NAALAD2: variants seen among roughly 807,000 people sequenced by gnomAD.
NAALAD2 encodes N-acetylated-alpha-linked acidic dipeptidase 2.
In NAALAD2, 89 loss-of-function variants were observed where a neutral mutation model predicts 95.6. The ratio of observed to expected loss-of-function variants is 0.93; its 90% confidence interval spans 0.78 to 1.11. The LOEUF (loss-of-function observed/expected upper bound fraction) is 1.11, where lower values mean the gene tolerates loss of function less well. NAALAD2 is among the 50% of genes least tolerant of loss of function. The pLI, the probability that NAALAD2 is intolerant of heterozygous loss-of-function variation, is 0.00. For synonymous variants in NAALAD2, 264 were observed against 294.4 expected, an observed-to-expected ratio of 0.90 and a Z score of 1.06; for missense variants, 894 against 872.4, an observed-to-expected ratio of 1.02 and a Z score of -0.31.
chr11:90,134,954 G>T, intron 1 of NAALAD2, 114 bp downstream of exon 1: 1 of 1,171,720 alleles, frequency 8.5e-7, no homozygotes, highest in East Asian at 2.4e-5. Flanking sequence ...CTGGCCGGCT[G>T]GGCTAGATAT....
upstream of NAALAD2, among the ~76,000 whole-genome samples, chr11:90,132,966 G>T (rs981263003): frequency 6.6e-6 from 1 of 152,138 alleles, no homozygotes; most frequent in Non-Finnish European, 1.5e-5. Flanking sequence ...CATTAAGGAG[G>T]TTTGCTTCAA....
chr11:90,139,501 C>T (rs1452410852), intron 2 of NAALAD2, among the ~76,000 whole-genome samples: 1 of 152,122 alleles, frequency 6.6e-6, no homozygotes, highest in Non-Finnish European at 1.5e-5. Context: ...ATGCTTTCTC[C>T]TCAGTAATTT....
chr11:90,180,368 A>G (rs1238082042), intron 16 of NAALAD2, among the ~76,000 whole-genome samples: 3 of 152,132 alleles, frequency 2.0e-5, no homozygotes, highest in African/African-American at 7.2e-5. Flanking sequence ...CAACAATTAA[A>G]AGTTAAGGAA....
At chr11:90,166,218 G>A (rs186243058) in intron 11 of NAALAD2, among the ~76,000 whole-genome samples, 124 of 152,182 alleles carry the variant, frequency 8.1e-4, no homozygotes, top group African/African-American at 2.9e-3. Context: ...GCTAGAGAGA[G>A]CGGTGAAGGG....
chr11:90,190,932 G>C (rs552326219), intron 18 of NAALAD2, among the ~76,000 whole-genome samples: 1 of 151,986 alleles, frequency 6.6e-6, no homozygotes, highest in African/African-American at 2.4e-5. Flanking sequence ...TCATTATTGC[G>C]GAAAGTAGCT....
intron 2 of NAALAD2, among the ~76,000 whole-genome samples, chr11:90,140,137 A>T (rs534565574): frequency 6.6e-6 from 1 of 152,192 alleles, no homozygotes; most frequent in East Asian, 1.9e-4. Context: ...ATGATTAGGG[A>T]GATGATTAAT....
At position 90,191,461 on chromosome 11, in the gene NAALAD2, G is replaced by A. The variant is rs145105885; in HGVS notation, c.2034-97G>A. On this transcript the variant is annotated intron_variant, in intron 18 of 18. Transcript: ENST00000534061. ...CTGTCTTCTTATTATAGGAACAAAA[G>A]TGAGTATCACAAGGAAACATCATGT... The A allele has an allele frequency of 2.1e-3, 1,638 of 785,136 alleles. 18 individuals carry two copies. The African/African-American group carries it at 0.027, about 13-fold the overall frequency. 48.6% of individuals were successfully genotyped at this position (785,136 alleles called of 1,614,324 possible).
At chr11:90,167,679 C>T (rs1184253187) in intron 11 of NAALAD2, among the ~76,000 whole-genome samples, 2 of 152,158 alleles carry the variant, frequency 1.3e-5, no homozygotes, top group African/African-American at 4.8e-5. Context: ...CACTCTGTAT[C>T]TAGCTCAAGG....
chr11:90,171,921 T>A (rs558964280), intron 13 of NAALAD2, among the ~76,000 whole-genome samples: 1 of 152,214 alleles, frequency 6.6e-6, no homozygotes, highest in East Asian at 1.9e-4. Flanking sequence ...CACATGCCTA[T>A]AGTTCCAGCT....
In NAALAD2 at chr11:90,180,359, A is replaced by G. The variant is rs149352219; in HGVS notation, c.1859-1261A>G. Among the ~76,000 whole-genome samples the G allele has an allele frequency of 1.5e-3, 231 of 152,282 alleles. 1 individual carries two copies. Among genetic ancestry groups the G allele is most frequent in the African/African-American group, 5.2e-3 (215 of 41,586 alleles). On this transcript the variant is annotated intron_variant, in intron 16 of 18. Transcript: ENST00000534061. Reference sequence around the variant, plus strand: ...CTTTGGTTTGAACTTGGCTTAAAACAACAATTAAAAGTTAAGGAAAATCTA... The same window carrying G: ...CTTTGGTTTGAACTTGGCTTAAAACGACAATTAAAAGTTAAGGAAAATCTA...
At chr11:90,163,885 C>T in intron 11 of NAALAD2, 1 of 466,722 alleles carries the variant, frequency 2.1e-6, no homozygotes, top group Non-Finnish European at 3.7e-6. Flanking sequence ...TAAGAAAAAT[C>T]AGTAAGCTCA....
Position 90,147,398 on chromosome 11 carries a change from C to T in NAALAD2, c.263C>T (p.Thr88Ile). ...QNFLLAKKIQ[T>I]QWKKFGLDSA... ...TTCTTGCTTGCCAAGAAAATCCAAACCCAGTGGAAGAAATTTGGACTAGAT... is the reference window on the plus strand; with the variant it reads ...TTCTTGCTTGCCAAGAAAATCCAAATCCAGTGGAAGAAATTTGGACTAGAT... The change falls in exon 3 of 19, where the codon ACC becomes ATC. Residue 88 changes from threonine (T) to isoleucine (I), a missense_variant. Coordinates refer to ENST00000534061, the MANE Select transcript of NAALAD2 (RefSeq NM_005467.4). The T allele has an allele frequency of 6.2e-7, 1 of 1,614,038 alleles. No homozygotes were observed. Among genetic ancestry groups the T allele is most frequent in the Non-Finnish European group, 8.5e-7 (1 of 1,179,980 alleles).
intron 2 of NAALAD2, among the ~76,000 whole-genome samples, chr11:90,143,452 A>G (rs1332116411): frequency 6.6e-6 from 1 of 152,140 alleles, no homozygotes; most frequent in Non-Finnish European, 1.5e-5. Flanking sequence ...AGAAGTTTAC[A>G]GTCATTAAAT....
chr11:90,179,221 GCAC>G (rs991143395), intron 16 of NAALAD2, among the ~76,000 whole-genome samples: 4 of 151,966 alleles, frequency 2.6e-5, no homozygotes, highest in African/African-American at 9.7e-5. Flanking sequence ...TATTCTGGGG[GCAC>G]CTATTTTTAG....
chr11:90,161,321 C>A (rs747039148), intron 8 of NAALAD2, among the ~76,000 whole-genome samples: 9 of 152,188 alleles, frequency 5.9e-5, no homozygotes, highest in Non-Finnish European at 1.2e-4. Context: ...TATAAGTTAA[C>A]TTCTCTTTAC....
In NAALAD2 at chr11:90,168,957, G is replaced by A. The variant is rs759218159; in HGVS notation, c.1307G>A (p.Ser436Asn). The change falls in exon 12 of 19, where the codon AGC (serine) becomes AAC (asparagine). Residue 436 changes from serine to asparagine, a missense_variant. Physicochemically the swap from Ser to Asn is conservative, Grantham distance 46. Coordinates refer to ENST00000534061, the MANE Select transcript of NAALAD2 (RefSeq NM_005467.4). Reference sequence around the variant, plus strand: ...AATGTCAAAATACTCCAGGAGAGAAGCATTGCTTATATCAACTCGGATTCA... The same window carrying A: ...AATGTCAAAATACTCCAGGAGAGAAACATTGCTTATATCAACTCGGATTCA... The part of the protein sequence containing the change: ...EENVKILQER[S>N]IAYINSDSSI... The A allele has an allele frequency of 5.0e-6, 8 of 1,607,794 alleles. No individual in the cohort carries two copies. The highest frequency in any genetic ancestry group is 6.8e-6 in the Non-Finnish European group (8 of 1,177,934).
chr11:90,183,538 T>C (rs570682967), intron 18 of NAALAD2, among the ~76,000 whole-genome samples: 11 of 152,310 alleles, frequency 7.2e-5, no homozygotes, highest in Admixed American at 7.2e-4. Context: ...CCATATAGTA[T>C]TTTAGGTTTT....
chr11:90,189,135 A>AT (rs5793436), intron 18 of NAALAD2, among the ~76,000 whole-genome samples: 20,795 of 152,150 alleles, frequency 0.14, 1,662 homozygotes, highest in African/African-American at 0.2. Flanking sequence ...GAAAAGACTC[A>AT]TCTAAAATGC....
chr11:90,177,840 A>AT lies in NAALAD2; in HGVS notation c.1594-4dup, dbSNP rs528395540. 860 of 1,545,356 alleles carry AT rather than the reference A, an allele frequency of 5.6e-4. No individual in the cohort carries two copies. Among genetic ancestry groups the AT allele is most frequent in the Middle Eastern group, 1.6e-3 (9 of 5,768 alleles). The stretch of plus-strand genomic sequence containing the variant: ...AATGTTTATTTATACTTGCCTCTCC[A>AT]TTTTTTTTTCAGAAAACAGATAAGT... On this transcript the variant is annotated splice_polypyrimidine_tract_variant and intron_variant, in intron 15 of 18. Coordinates refer to ENST00000534061, the MANE Select transcript of NAALAD2 (RefSeq NM_005467.4).
Sources: gnomAD v4.1 joint callset for allele counts (sites outside exome capture counted in the v4.1 genomes callset) on GRCh38, gnomAD v4.1.1 for gene constraint, MANE v1.5 for transcripts, NCBI Gene and HGNC (gene_info 2026-07-23, HGNC 2026-07-21) for gene names.